Variants in UNKL observed in about 807,000 individuals in gnomAD.
The protein encoded by UNKL is putative E3 ubiquitin-protein ligase UNKL.
A neutral mutation model predicts 78.0 loss-of-function variants in UNKL; 60 were observed. That is an observed-to-expected ratio of 0.77 (90% CI 0.63 to 0.95). UNKL has a LOEUF of 0.95. Among genes scored for constraint, UNKL ranks in the 40% least tolerant of loss-of-function variants. The pLI is 0.00. For synonymous variants in UNKL, 608 were observed against 474.8 expected (o/e 1.28, Z -3.65); for missense variants, 1,159 against 1,045.7 (o/e 1.11, Z -1.49).
intron 10 of UNKL, among the ~76,000 whole-genome samples, chr16:1,378,008 C>T (rs1274947975): frequency 6.6e-6 from 1 of 152,188 alleles, no homozygotes; most frequent in Non-Finnish European, 1.5e-5. Context: ...TTGCGCGTGC[C>T]GGTCACCGCT....
intron 11 of UNKL, among the ~76,000 whole-genome samples, chr16:1,370,822 G>T (rs376921508): frequency 6.6e-6 from 1 of 152,232 alleles, no homozygotes; most frequent in Non-Finnish European, 1.5e-5. Flanking sequence ...ACTGGCTCAC[G>T]CCTGTAATCC....
At chr16:1,395,625 C>G (rs780204567) in intron 6 of UNKL, 19 of 446,808 alleles carry the variant, frequency 4.3e-5, no homozygotes, top group South Asian at 2.6e-4. Flanking sequence ...CCTCCTGCCT[C>G]GGAAGAGTCC....
At position 1,365,973 on chromosome 16, in the gene UNKL, A is replaced by G. The variant is rs2035219091; in HGVS notation, c.*267T>C. On this transcript the variant is annotated 3_prime_UTR_variant, in exon 15 of 15. Transcript: ENST00000389221. ...GGCACCAGGCCCCTCAGGGACAGGC[A>G]GGCGGGTTCTGTGGGTTTGCATTTA... 2 of 334,654 alleles carry G rather than the reference A, an allele frequency of 6.0e-6. No homozygotes were observed. Among genetic ancestry groups the G allele is most frequent in the Non-Finnish European group, 1.1e-5 (2 of 183,756 alleles). The allele number at this position is 334,654 out of a possible 1,614,324, so 20.7% of individuals were successfully genotyped here.
At position 1,366,240 on chromosome 16, in the gene UNKL, T is replaced by C; in HGVS notation, c.2202A>G (p.Ter734TrpextTer93). The change falls in exon 15 of 15, where the codon TGA (stop) becomes TGG (tryptophan). Residue 734 changes from the stop codon to tryptophan (W), a stop_lost. Coordinates refer to ENST00000389221, the MANE Select transcript of UNKL (RefSeq NM_001372107.1). ...PYCKGQPLQW[*>W] is the part of the protein sequence containing the mutation. The stretch of plus-strand genomic sequence containing the variant: ...CAGGAGGTGGCTGTCCCCGCTGAGG[T>C]CACCACTGCAGGGGCTGGCCCTTGC... 6.4e-7 allele frequency: 1 copy of C among 1,553,586 alleles called. No individual in the cohort carries two copies. The highest frequency in any genetic ancestry group is 8.7e-7 in the Non-Finnish European group (1 of 1,147,828).
chr16:1,395,632 G>A (rs935608201), intron 6 of UNKL: 1 of 450,432 alleles, frequency 2.2e-6, no homozygotes, highest in African/African-American at 2.0e-5. Context: ...CCTCGGAAGA[G>A]TCCTTGTTTA....
At chr16:1,366,427 G>A (rs1353945477) in intron 14 of UNKL, 32 bp from the exon 15 acceptor site, 3 of 1,546,490 alleles carry the variant, frequency 1.9e-6, no homozygotes, top group African/African-American at 2.7e-5. Flanking sequence ...GGGCTCAGGA[G>A]GCCCCTGCCC....
intron 12 of UNKL, among the ~76,000 whole-genome samples, chr16:1,369,541 G>C (rs967188375): frequency 1.3e-5 from 2 of 151,914 alleles, no homozygotes; most frequent in African/African-American, 4.8e-5. Flanking sequence ...GGCTAATTTT[G>C]TATTTTTAGT....
chr16:1,393,872 G>A (rs1310924186), intron 7 of UNKL, among the ~76,000 whole-genome samples: 1 of 152,176 alleles, frequency 6.6e-6, no homozygotes, highest in Non-Finnish European at 1.5e-5. Flanking sequence ...GGGCCCCAGC[G>A]TGCCTGAAGA....
rs554562200 is a variant in UNKL at position 1,397,355 on chromosome 16, G to A, written c.735-60C>T. 1.6e-4 allele frequency: 98 copies of A among 620,364 alleles called. 4 individuals carry two copies. The highest frequency in any genetic ancestry group is 4.6e-4 in the Admixed American group (10 of 21,758). 38.4% of individuals were successfully genotyped at this position (620,364 alleles called of 1,614,324 possible). On this transcript the variant is annotated intron_variant, in intron 5 of 14. Transcript: ENST00000389221. ...ACTTGGCTCCCCGCCCCCCACCCCC[G>A]TGCTTCACGCTGGGGCAGGGCGTGG...
rs897219782 is a variant in UNKL, at chr16:1,406,786, G to A, written c.288-3442C>T. ...AGTGGAACTTTCACCTACGCCTTAGGTCCTAAGGCATTCAACATTTTAAAA... is the reference window on the plus strand; with the variant it reads ...AGTGGAACTTTCACCTACGCCTTAGATCCTAAGGCATTCAACATTTTAAAA... On this transcript the variant is annotated intron_variant, in intron 2 of 14. Coordinates refer to ENST00000389221, the MANE Select transcript of UNKL (RefSeq NM_001372107.1). 4.6e-5 allele frequency among the ~76,000 whole-genome samples: 7 copies of A among 152,014 alleles called. No homozygotes were observed. The East Asian group carries it at 9.6e-4, about 21-fold the overall frequency.
chr16:1,374,984 T>C (rs539917343), intron 10 of UNKL, among the ~76,000 whole-genome samples: 31 of 152,318 alleles, frequency 2.0e-4, no homozygotes, highest in African/African-American at 7.2e-4. Flanking sequence ...GCACGTGGCC[T>C]GCACCTCACC....
At chr16:1,388,761 C>A (rs2036921780) in intron 9 of UNKL, among the ~76,000 whole-genome samples, 1 of 152,192 alleles carries the variant, frequency 6.6e-6, no homozygotes, top group South Asian at 2.1e-4. Flanking sequence ...GGGGACGCCA[C>A]ACCTCCGCTA....
chr16:1,371,634 T>C (rs1172720215), intron 10 of UNKL, 23 bp from the exon 11 acceptor site: 7 of 1,534,936 alleles, frequency 4.6e-6, no homozygotes, highest in South Asian at 1.2e-5. Flanking sequence ...CCCCCCATCA[T>C]CCACAGCCCA....
intron 10 of UNKL, 51 bp from the exon 11 acceptor site, chr16:1,371,662 C>G: frequency 6.6e-7 from 1 of 1,521,660 alleles, no homozygotes; most frequent in Non-Finnish European, 8.8e-7. Flanking sequence ...CTGCAGAGCT[C>G]AGGAAGCCTA....
At chr16:1,413,799 G>T (rs754115261) in intron 2 of UNKL, 47 bp downstream of exon 2, 5 of 1,476,318 alleles carry the variant, frequency 3.4e-6, no homozygotes, top group East Asian at 2.5e-5. Context: ...CCGGGTGGAG[G>T]CCCCCCACCT....
chr16:1,386,731 C>T (rs985665224), intron 9 of UNKL, among the ~76,000 whole-genome samples: 3 of 152,130 alleles, frequency 2.0e-5, no homozygotes, highest in African/African-American at 7.2e-5. Flanking sequence ...GATCAGAAAT[C>T]CCCGACAAGA....
At chr16:1,388,290 G>A (rs2036902132) in intron 9 of UNKL, among the ~76,000 whole-genome samples, 1 of 152,178 alleles carries the variant, frequency 6.6e-6, no homozygotes, top group Non-Finnish European at 1.5e-5. Flanking sequence ...ACTGATCTGA[G>A]GGCTGGGCAC....
intron 10 of UNKL, chr16:1,384,055 T>G (rs1297112170): frequency 5.2e-6 from 1 of 192,460 alleles, no homozygotes; most frequent in Admixed American, 4.9e-5. Context: ...ACAGGTGGCC[T>G]TCCCTGAGTC....
At chr16:1,380,514 C>T (rs2142063704) in intron 10 of UNKL, among the ~76,000 whole-genome samples, 1 of 151,976 alleles carries the variant, frequency 6.6e-6, no homozygotes, top group East Asian at 1.9e-4. Flanking sequence ...AGCGATGTCT[C>T]AGACATGGAC....
Sources: gnomAD v4.1 joint callset for allele counts (sites outside exome capture counted in the v4.1 genomes callset) on GRCh38, gnomAD v4.1.1 for gene constraint, MANE v1.5 for transcripts, NCBI Gene and HGNC (gene_info 2026-07-23, HGNC 2026-07-21) for gene names.